The following EEF1G variants were observed in gnomAD, a reference collection of about 807,000 sequenced individuals.
EEF1G encodes eukaryotic translation elongation factor 1 gamma.
EEF1G carries 14 observed loss-of-function variants against 58.3 expected under a neutral mutation model. The ratio of observed to expected loss-of-function variants is 0.24; its 90% CI spans 0.16 to 0.38. The LOEUF (loss-of-function observed/expected upper bound fraction) is 0.38, where lower values mean the gene tolerates loss of function less well. Ranked by LOEUF, EEF1G falls within the 10% of genes least tolerant of loss-of-function variation. EEF1G has a pLI of 1.00. For synonymous variants in EEF1G, 180 were observed against 206.8 expected (o/e 0.87, Z 1.11); for missense variants, 322 against 550.1 (o/e 0.59, Z 4.15).
At chr11:62,567,646 G>A in intron 5 of EEF1G, 118 bp from the exon 6 acceptor site, 1 of 976,818 alleles carries the variant, frequency 1.0e-6, no homozygotes, top group Non-Finnish European at 1.4e-6. Flanking sequence ...AAACCCTATA[G>A]ACAATAGCTT....
intron 7 of EEF1G, among the ~76,000 whole-genome samples, chr11:62,565,271 A>T (rs1941543506): frequency 6.6e-6 from 1 of 151,996 alleles, no homozygotes; most frequent in Admixed American, 6.6e-5. Flanking sequence ...CCTTTGTCCC[A>T]GCTACTCCAG....
intron 7 of EEF1G, among the ~76,000 whole-genome samples, chr11:62,564,758 CAA>C (rs34663205): frequency 5.3e-5 from 4 of 75,054 alleles, no homozygotes; most frequent in South Asian, 5.8e-4. Context: ...GACTCCATCT[CAA>C]AAAAAAAAAA....
intron 5 of EEF1G, 81 bp downstream of exon 5, chr11:62,570,884 T>C (rs917885629): frequency 3.2e-6 from 5 of 1,583,712 alleles, no homozygotes; most frequent in East Asian, 2.2e-5. Context: ...CTCAGCAGAA[T>C]ACAGGGTAAC....
intron 7 of EEF1G, among the ~76,000 whole-genome samples, chr11:62,562,947 T>G (rs968038308): frequency 1.3e-5 from 2 of 151,770 alleles, no homozygotes; most frequent in Non-Finnish European, 2.9e-5. Flanking sequence ...ACAAAAAAAT[T>G]TAAAAATTAG....
chr11:62,571,631 A>C lies in EEF1G; in HGVS notation c.287T>G (p.Val96Gly), dbSNP rs1590711638. Residue 96 changes from valine (V) to glycine (G), a missense_variant, in exon 4 of 10, where the codon GTG becomes GGG. By Grantham distance (109) the Val-to-Gly change is moderately radical. Coordinates refer to ENST00000329251, the MANE Select transcript of EEF1G (RefSeq NM_001404.5). ...GGAATCAGCAAAGCTCACCCACTGC[A>C]CCACCTGGGCTGCTGCCTCTGGAGT... ...GSTPEAAAQV[V>G]QWVSFADSDI... 2 of 1,587,000 alleles carry C rather than the reference A, an allele frequency of 1.3e-6. No individual in the cohort carries two copies. Among genetic ancestry groups the C allele is most frequent in the Non-Finnish European group, 1.7e-6 (2 of 1,166,858 alleles).
At chr11:62,571,256 C>CTAA in intron 4 of EEF1G, 148 bp from the exon 5 acceptor site, 1 of 1,322,630 alleles carries the variant, frequency 7.6e-7, no homozygotes, top group Non-Finnish European at 1.0e-6. Flanking sequence ...TAGGGTCATT[C>CTAA]TAAATGTATT....
At chr11:62,565,170 T>C (rs906637365) in intron 7 of EEF1G, among the ~76,000 whole-genome samples, 2 of 152,026 alleles carry the variant, frequency 1.3e-5, no homozygotes, top group African/African-American at 4.8e-5. Context: ...CAAGGATCAC[T>C]TGAGCCCAGG....
intron 5 of EEF1G, among the ~76,000 whole-genome samples, chr11:62,569,343 G>A (rs867464494): frequency 1.3e-5 from 2 of 151,696 alleles, no homozygotes; most frequent in Non-Finnish European, 2.9e-5. Flanking sequence ...GTTTGGTGGC[G>A]CATGCCTGTA....
At chr11:62,569,144 A>AC (rs200667049) in intron 5 of EEF1G, among the ~76,000 whole-genome samples, 2,498 of 152,262 alleles carry the variant, frequency 0.016, 212 homozygotes, top group Admixed American at 0.15. Flanking sequence ...AAAGTAAAGA[A>AC]CATTCAAAGA....
intron 4 of EEF1G, among the ~76,000 whole-genome samples, 167 bp downstream of exon 4, chr11:62,571,373 C>T (rs1175870739): frequency 3.3e-5 from 5 of 152,242 alleles, no homozygotes; most frequent in South Asian, 2.1e-4. Context: ...ACAGACACTT[C>T]CTCCATCAAC....
chr11:62,573,868 G>T lies in EEF1G; in HGVS notation c.-26C>A. On this transcript the variant is annotated 5_prime_UTR_variant, in exon 1 of 10. Coordinates refer to ENST00000329251, the MANE Select transcript of EEF1G (RefSeq NM_001404.5). ...GGTGATTCCGCAAAGAAAGGGGGTG[G>T]GGTTCTCGGCGCTGCCGCAAAGTAA... The T allele has an allele frequency of 6.2e-7, 1 of 1,613,682 alleles. No individual in the cohort carries two copies. The highest frequency in any genetic ancestry group is 8.5e-7 in the Non-Finnish European group (1 of 1,179,858).
chr11:62,573,887 AAAGT>A lies in EEF1G; in HGVS notation c.-49_-46del. 1 of 1,613,278 alleles carries A rather than the reference AAAGT, an allele frequency of 6.2e-7. No homozygotes were observed. Among genetic ancestry groups the A allele is most frequent in the Admixed American group, 1.7e-5 (1 of 60,008 alleles). ...GGGGTGGGGTTCTCGGCGCTGCCGC[AAAGT>A]AAGCCGCCCGGGAGAGAAGGGAGGG... On this transcript the variant is annotated 5_prime_UTR_variant, in exon 1 of 10. Coordinates refer to ENST00000329251, the MANE Select transcript of EEF1G (RefSeq NM_001404.5).
chr11:62,564,559 G>C (rs990922236), intron 7 of EEF1G, among the ~76,000 whole-genome samples: 2 of 151,488 alleles, frequency 1.3e-5, no homozygotes, highest in African/African-American at 4.9e-5. Flanking sequence ...TCAGGAGTTC[G>C]AGACCAGCCT....
At position 62,570,857 on chromosome 11, in the gene EEF1G, T is replaced by C. The variant is rs545956657; in HGVS notation, c.522+108A>G. The C allele has an allele frequency of 5.1e-5, 75 of 1,474,010 alleles. 1 individual carries two copies. The highest frequency in any genetic ancestry group is 4.0e-4 in the Middle Eastern group (2 of 5,048). The allele number at this position is 1,474,010 out of a possible 1,614,324, so 91.3% of individuals were successfully genotyped here. ...AGGCATGAGCCACTGCACCCACCTCTAGCTGTTTTCCAAGTCCTCAGCAGA... is the reference window on the plus strand; with the variant it reads ...AGGCATGAGCCACTGCACCCACCTCCAGCTGTTTTCCAAGTCCTCAGCAGA... On this transcript the variant is annotated intron_variant, in intron 5 of 9. Transcript: ENST00000329251.
At position 62,559,710 on chromosome 11, in the gene EEF1G, T is replaced by C. The variant is rs369673180; in HGVS notation, c.1283A>G (p.Lys428Arg). The C allele has an allele frequency of 6.8e-6, 11 of 1,613,854 alleles. No homozygotes were observed. The highest frequency in any genetic ancestry group is 1.7e-5 in the Admixed American group (1 of 59,992). The change falls in exon 10 of 10, where the codon AAA (lysine) becomes AGA (arginine). Residue 428 changes from lysine (K) to arginine (R), a missense_variant. Lys to Arg is a conservative substitution (Grantham distance 26). Coordinates refer to ENST00000329251, the MANE Select transcript of EEF1G (RefSeq NM_001404.5). ...SWEGAFQHVG[K>R]AFNQGKIFK is the part of the protein sequence containing the mutation. ...GAAGATCTTGCCCTGATTGAAGGCT[T>C]TGCCCACATGCTGGAAGGCCCCCTC...
intron 1 of EEF1G, chr11:62,573,427 A>G (rs1941662299): frequency 2.4e-5 from 6 of 250,164 alleles, no homozygotes; most frequent in Non-Finnish European, 4.7e-5. Flanking sequence ...AACCTCCCTG[A>G]GAGACGACCT....
rs542627088 is a variant in EEF1G at position 62,566,442 on chromosome 11, C to T, written c.857+364G>A. Among the ~76,000 whole-genome samples, 12 of 152,196 alleles carry T rather than the reference C, an allele frequency of 7.9e-5. No individual in the cohort carries two copies. The South Asian group carries it at 2.5e-3, about 31-fold the overall frequency. The stretch of plus-strand genomic sequence containing the variant: ...GCACAGCCGGGCGCGTGGCGCACCG[C>T]AAGGCTCTCTGCACTTTCTTCCTCC... On this transcript the variant is annotated intron_variant, in intron 7 of 9. Coordinates refer to ENST00000329251, the MANE Select transcript of EEF1G (RefSeq NM_001404.5).
chr11:62,572,929 T>C, intron 1 of EEF1G, 187 bp from the exon 2 acceptor site: 5 of 492,780 alleles, frequency 1.0e-5, no homozygotes, highest in Non-Finnish European at 1.8e-5. Context: ...AGAACAGAAC[T>C]ACACACCAAC....
intron 3 of EEF1G, 63 bp from the exon 4 acceptor site, chr11:62,571,745 G>A: frequency 6.4e-7 from 1 of 1,565,616 alleles, no homozygotes. Context: ...CCAGGTCCTG[G>A]AGAATTCCTT....
Sources: gnomAD v4.1 joint callset for allele counts (sites outside exome capture counted in the v4.1 genomes callset) on GRCh38, gnomAD v4.1.1 for gene constraint, MANE v1.5 for transcripts, NCBI Gene and HGNC (gene_info 2026-07-23, HGNC 2026-07-21) for gene names.